SLC30A8: variants seen among roughly 807,000 people sequenced by gnomAD.
The protein encoded by SLC30A8 is proton-coupled zinc antiporter SLC30A8.
A neutral mutation model predicts 36.9 loss-of-function variants in SLC30A8; 27 were observed. The ratio of observed to expected loss-of-function variants is 0.73; its 90% CI spans 0.54 to 1.01. SLC30A8 has a LOEUF of 1.01. SLC30A8 is among the 50% of genes least tolerant of loss of function. The pLI, the probability that SLC30A8 is intolerant of heterozygous loss-of-function variation, is 0.00. For missense variants in SLC30A8, 439 were observed against 452.0 expected (o/e 0.97, Z 0.26); for synonymous variants, 164 against 172.4 (o/e 0.95, Z 0.38).
chr8:117,100,512 G>A (rs753325247), intron 2 of SLC30A8, among the ~76,000 whole-genome samples: 12 of 152,142 alleles, frequency 7.9e-5, no homozygotes, highest in Non-Finnish European at 1.8e-4. Context: ...GTACAACAGG[G>A]CATGCATGGG....
chr8:117,169,305 G>A (rs907161429), intron 6 of SLC30A8, among the ~76,000 whole-genome samples: 1 of 152,210 alleles, frequency 6.6e-6, no homozygotes, highest in Non-Finnish European at 1.5e-5. Flanking sequence ...ATTTTTTGCC[G>A]AGTGTTCCAT....
chr8:117,156,286 G>A (rs552175271), intron 3 of SLC30A8, among the ~76,000 whole-genome samples: 4 of 152,102 alleles, frequency 2.6e-5, no homozygotes, highest in African/African-American at 9.7e-5. Flanking sequence ...CAGGCAATCC[G>A]CTTGCTTCAG....
At chr8:117,000,390 A>C (rs112526168) in intron 1 of SLC30A8, among the ~76,000 whole-genome samples, 1 of 152,196 alleles carries the variant, frequency 6.6e-6, no homozygotes, top group African/African-American at 2.4e-5. Context: ...AGGCTTGTAG[A>C]AATTGTGACC....
intron 2 of SLC30A8, among the ~76,000 whole-genome samples, chr8:117,068,617 C>G (rs1027253375): frequency 6.6e-6 from 1 of 152,138 alleles, no homozygotes; most frequent in Non-Finnish European, 1.5e-5. Flanking sequence ...CACTCTGTCA[C>G]CCAGGCTGGA....
intron 2 of SLC30A8, among the ~76,000 whole-genome samples, chr8:117,129,614 C>A (rs2130919972): frequency 6.6e-6 from 1 of 151,986 alleles, no homozygotes; most frequent in African/African-American, 2.4e-5. Context: ...ATTGATTTTT[C>A]TTATATATAT....
At chr8:117,074,533 G>A (rs969040584) in intron 2 of SLC30A8, among the ~76,000 whole-genome samples, 13 of 152,126 alleles carry the variant, frequency 8.5e-5, no homozygotes, top group Admixed American at 2.6e-4. Context: ...GGGCATTGAT[G>A]TTATAGCCAT....
upstream of SLC30A8, among the ~76,000 whole-genome samples, chr8:117,131,107 T>C (rs1821121553): frequency 6.6e-6 from 1 of 151,968 alleles, no homozygotes; most frequent in South Asian, 2.1e-4. Flanking sequence ...AATTACATGG[T>C]CCTAATTTAT....
intron 2 of SLC30A8, among the ~76,000 whole-genome samples, chr8:117,110,934 T>A (rs111978142): frequency 6.6e-6 from 1 of 152,028 alleles, no homozygotes; most frequent in African/African-American, 2.4e-5. Flanking sequence ...CAGGAAAGCA[T>A]TAATTGTAGG....
At chr8:117,011,699 T>C (rs1452892561) in intron 1 of SLC30A8, among the ~76,000 whole-genome samples, 2 of 152,202 alleles carry the variant, frequency 1.3e-5, no homozygotes, top group Non-Finnish European at 2.9e-5. Context: ...GTTGGACCTC[T>C]TTGGGAAAAA....
At chr8:117,015,203 G>A (rs529394987) in intron 1 of SLC30A8, among the ~76,000 whole-genome samples, 1 of 152,026 alleles carries the variant, frequency 6.6e-6, no homozygotes, top group East Asian at 1.9e-4. Flanking sequence ...CCCGCTATCT[G>A]ACTTTCTTTA....
chr8:116,956,078 G>A (rs1374322291), intron 1 of SLC30A8, among the ~76,000 whole-genome samples: 1 of 152,208 alleles, frequency 6.6e-6, no homozygotes, highest in African/African-American at 2.4e-5. Flanking sequence ...TAAATGTACA[G>A]CAGCCCAGGA....
intron 1 of SLC30A8, among the ~76,000 whole-genome samples, chr8:116,994,049 A>T (rs999197013): frequency 6.9e-6 from 1 of 145,766 alleles, no homozygotes; most frequent in Non-Finnish European, 1.5e-5. Flanking sequence ...AAAACTAAAT[A>T]AAAAAAAAAG....
At chr8:117,039,186 A>G (rs964059302) in intron 1 of SLC30A8, 7 of 152,296 alleles carry the variant, frequency 4.6e-5, no homozygotes, top group African/African-American at 1.4e-4. Flanking sequence ...TTCCACCTTC[A>G]GTTTAGTTGC....
chr8:117,114,829 T>C (rs1365667069), intron 2 of SLC30A8, among the ~76,000 whole-genome samples: 2 of 152,104 alleles, frequency 1.3e-5, no homozygotes, highest in African/African-American at 4.8e-5. Flanking sequence ...GAAATGGGAA[T>C]GTAGAGATCT....
At chr8:116,964,477 A>AG (rs1191037441) in intron 1 of SLC30A8, among the ~76,000 whole-genome samples, 1 of 152,196 alleles carries the variant, frequency 6.6e-6, no homozygotes, top group Non-Finnish European at 1.5e-5. Context: ...ACTCTAATTA[A>AG]GGGGGGCAGC....
chr8:116,952,035 G>A (rs1052098704), intron 1 of SLC30A8, among the ~76,000 whole-genome samples: 2 of 152,110 alleles, frequency 1.3e-5, no homozygotes, highest in Non-Finnish European at 2.9e-5. Context: ...GAGAGAAGGC[G>A]TTTTGGAGCA....
At chr8:116,982,747 C>T (rs1467671495) in intron 1 of SLC30A8, among the ~76,000 whole-genome samples, 3 of 152,076 alleles carry the variant, frequency 2.0e-5, no homozygotes, top group Non-Finnish European at 4.4e-5. Flanking sequence ...GAAACATTAT[C>T]ACCTCAGGGG....
rs180965046 is a variant in SLC30A8 at position 116,954,704 on chromosome 8, G to T, written c.-266+3585G>T. Among the ~76,000 whole-genome samples, 25 of 152,288 alleles carry T rather than the reference G, an allele frequency of 1.6e-4. No individual in the cohort carries two copies. The East Asian group carries it at 4.6e-3, about 28-fold the overall frequency. ...GTATAACATTCTTTCAAATAGTTTG[G>T]TTTTTAAGAGGAAAGGAGGAGATAG... On this transcript the variant is annotated intron_variant, in intron 1 of 10. Coordinates refer to the SLC30A8 transcript ENST00000427715.
chr8:117,163,644 A>C (rs1822905259), intron 6 of SLC30A8, 114 bp downstream of exon 6: 5 of 764,428 alleles, frequency 6.5e-6, no homozygotes, highest in African/African-American at 1.8e-5. Flanking sequence ...GGAAAAATTT[A>C]AAGTGAAAAG....
Sources: gnomAD v4.1 joint callset for allele counts (sites outside exome capture counted in the v4.1 genomes callset) on GRCh38, gnomAD v4.1.1 for gene constraint, MANE v1.5 for transcripts, NCBI Gene and HGNC (gene_info 2026-07-23, HGNC 2026-07-21) for gene names.